FAAH2: variants seen among roughly 807,000 people sequenced by gnomAD.
FAAH2 encodes the protein fatty-acid amide hydrolase 2.
FAAH2 carries 60 observed loss-of-function variants against 36.9 expected under a neutral mutation model. The ratio of observed to expected loss-of-function variants is 1.63; its 90% CI spans 1.32 to 2.02. The LOEUF (loss-of-function observed/expected upper bound fraction) is 2.02, where lower values mean the gene tolerates loss of function less well. FAAH2 is among the 30% of genes most tolerant of loss of function. FAAH2 has a pLI of 0.00. For synonymous variants in FAAH2, 214 were observed against 143.8 expected (o/e 1.49, Z -3.49); for missense variants, 689 against 397.5 (o/e 1.73, Z -6.23).
chrX:57,380,864 G>T lies in FAAH2; in HGVS notation c.879-48G>T, dbSNP rs201566499. 111 of 793,315 alleles carry T rather than the reference G, an allele frequency of 1.4e-4. No homozygotes were observed. The Middle Eastern group carries it at 4.3e-3, about 31-fold the overall frequency. 65.4% of individuals were successfully genotyped at this position (793,315 alleles called of 1,213,427 possible). Reference sequence around the variant, plus strand: ...CAGATGTCAGGATTGAACTATTAAGGATATCTAAATAATTTGTTGATGTCA... The same window carrying T: ...CAGATGTCAGGATTGAACTATTAAGTATATCTAAATAATTTGTTGATGTCA... On this transcript the variant is annotated intron_variant, in intron 6 of 10. Coordinates refer to ENST00000374900, the MANE Select transcript of FAAH2 (RefSeq NM_174912.4).
intron 3 of FAAH2, among the ~76,000 whole-genome samples, chrX:57,331,159 G>C (rs1449306961): frequency 8.9e-6 from 1 of 111,798 alleles, no homozygotes; most frequent in Admixed American, 9.5e-5. Context: ...AGTCTTCCAG[G>C]CTCTGCTCCA....
the FAAH2 span, among the ~76,000 whole-genome samples, chrX:57,155,292 G>C: frequency 9.0e-6 from 1 of 111,662 alleles, no homozygotes; most frequent in Non-Finnish European, 1.9e-5. Flanking sequence ...TAGTGGGGCA[G>C]GGTTAGGTGT....
At chrX:57,487,865 A>T (rs1010673709) in intron 10 of FAAH2, among the ~76,000 whole-genome samples, 1 of 112,148 alleles carries the variant, frequency 8.9e-6, no homozygotes. Context: ...CAGCATAATT[A>T]GTAATAGCCA....
intron 9 of FAAH2, among the ~76,000 whole-genome samples, chrX:57,447,276 G>A (rs1449463067): frequency 9.0e-6 from 1 of 111,253 alleles, no homozygotes. Flanking sequence ...CCAGGGTATA[G>A]CCTCCCTCCA....
rs140565919 is a variant in FAAH2, at chrX:57,362,878, G to A, written c.743-15773G>A. Among the ~76,000 whole-genome samples, 7 of 111,683 alleles carry A rather than the reference G, an allele frequency of 6.3e-5. No homozygotes were observed. The East Asian group carries it at 2.0e-3, about 32-fold the overall frequency. The stretch of plus-strand genomic sequence containing the variant: ...TATTGTCAACTTTGTGGAAGACCAG[G>A]TTGTTATAGATTTGAAGCTTTATTT... On this transcript the variant is annotated intron_variant, in intron 5 of 10. Coordinates refer to ENST00000374900, the MANE Select transcript of FAAH2 (RefSeq NM_174912.4).
At chrX:57,481,528 C>T (rs888527465) in intron 10 of FAAH2, among the ~76,000 whole-genome samples, 1 of 112,029 alleles carries the variant, frequency 8.9e-6, no homozygotes, top group African/African-American at 3.2e-5. Context: ...GGTTGCTGGA[C>T]GTCCAATCCA....
the FAAH2 span, among the ~76,000 whole-genome samples, chrX:57,129,982 G>A: frequency 8.9e-6 from 1 of 112,350 alleles, no homozygotes; most frequent in African/African-American, 3.2e-5. Context: ...GAGCTCAATG[G>A]CAATGCTTCT....
chrX:57,403,267 G>A (rs144641634), intron 7 of FAAH2, among the ~76,000 whole-genome samples: 42 of 112,214 alleles, frequency 3.7e-4, no homozygotes, highest in African/African-American at 1.0e-3. Flanking sequence ...GTCTTACAGC[G>A]TCCTCTGTGG....
the FAAH2 span, among the ~76,000 whole-genome samples, chrX:57,189,192 G>A: frequency 9.1e-6 from 1 of 110,315 alleles, no homozygotes; most frequent in African/African-American, 3.3e-5. Flanking sequence ...GTTAATACTT[G>A]TGTAGGCTTC....
At chrX:57,278,682 G>A in the FAAH2 span, among the ~76,000 whole-genome samples, 1 of 111,099 alleles carries the variant, frequency 9.0e-6, no homozygotes, top group Non-Finnish European at 1.9e-5. Flanking sequence ...CCTACAGAAT[G>A]GGAGAAAAAT....
the FAAH2 span, among the ~76,000 whole-genome samples, chrX:57,207,501 G>C: frequency 1.2e-4 from 13 of 111,799 alleles, no homozygotes; most frequent in East Asian, 3.7e-3. Flanking sequence ...TCAGTAATTT[G>C]ATTCACCCAA....
chrX:57,423,179 T>G (rs1266330545), intron 7 of FAAH2, among the ~76,000 whole-genome samples: 1 of 111,995 alleles, frequency 8.9e-6, no homozygotes, highest in East Asian at 2.8e-4. Context: ...AGGAGGACAT[T>G]TCTAATCCTA....
At chrX:57,420,094 C>A (rs992795563) in intron 7 of FAAH2, among the ~76,000 whole-genome samples, 7 of 111,699 alleles carry the variant, frequency 6.3e-5, no homozygotes, top group Non-Finnish European at 1.3e-4. Context: ...GTTTTGGTAC[C>A]AGTACCATGC....
the FAAH2 span, among the ~76,000 whole-genome samples, chrX:57,156,787 G>A: frequency 9.0e-6 from 1 of 111,486 alleles, no homozygotes; most frequent in African/African-American, 3.3e-5. Flanking sequence ...TGGGGGAGAG[G>A]TGACACAGGC....
At chrX:57,477,057 A>T (rs1569371452) in intron 10 of FAAH2, among the ~76,000 whole-genome samples, 1 of 109,891 alleles carries the variant, frequency 9.1e-6, no homozygotes, top group East Asian at 2.8e-4. Context: ...CGCCTTTATC[A>T]TTTTTTATTA....
At chrX:57,396,116 G>T (rs1273013809) in intron 7 of FAAH2, among the ~76,000 whole-genome samples, 1 of 111,342 alleles carries the variant, frequency 9.0e-6, no homozygotes, top group Non-Finnish European at 1.9e-5. Context: ...AGGTTTTCTA[G>T]TTTGTGTTCA....
At chrX:57,333,088 C>A (rs927642055) in intron 4 of FAAH2, among the ~76,000 whole-genome samples, 1 of 111,750 alleles carries the variant, frequency 8.9e-6, no homozygotes, top group African/African-American at 3.3e-5. Context: ...CTCCACACAC[C>A]TTATCACTAC....
At chrX:57,449,395 G>A (rs1265526522) in intron 10 of FAAH2, among the ~76,000 whole-genome samples, 1 of 111,738 alleles carries the variant, frequency 8.9e-6, no homozygotes, top group African/African-American at 3.3e-5. Context: ...GGAATCCTTT[G>A]CTCTGCAATT....
the FAAH2 span, among the ~76,000 whole-genome samples, chrX:57,165,461 A>G: frequency 1.8e-5 from 2 of 109,498 alleles, no homozygotes; most frequent in African/African-American, 6.7e-5. Context: ...AACACCGCAT[A>G]TTCTCACTCA....
Sources: gnomAD v4.1 joint callset for allele counts (sites outside exome capture counted in the v4.1 genomes callset) on GRCh38, gnomAD v4.1.1 for gene constraint, MANE v1.5 for transcripts, NCBI Gene and HGNC (gene_info 2026-07-23, HGNC 2026-07-21) for gene names.